The following DCLK3 variants were observed in gnomAD, a reference collection of about 807,000 sequenced individuals.
DCLK3 encodes the protein serine/threonine-protein kinase DCLK3.
In DCLK3, 30 loss-of-function variants were observed where a neutral mutation model predicts 46.4. That is an observed-to-expected ratio of 0.65 (90% CI 0.48 to 0.88). The LOEUF is 0.88. DCLK3 is among the 40% of genes least tolerant of loss of function. DCLK3 has a pLI of 0.00. For missense variants in DCLK3, 846 were observed against 907.1 expected (o/e 0.93, Z 0.87); for synonymous variants, 401 against 339.2 (o/e 1.18, Z -2.00).
intron 2 of DCLK3, among the ~76,000 whole-genome samples, chr3:36,729,157 A>C (rs1043981458): frequency 5.3e-5 from 8 of 151,748 alleles, no homozygotes; most frequent in Non-Finnish European, 8.8e-5. Flanking sequence ...CTGGGTGGTC[A>C]TCAAGACAGC....
At chr3:36,726,585 G>A (rs547227687) in intron 2 of DCLK3, among the ~76,000 whole-genome samples, 1 of 152,000 alleles carries the variant, frequency 6.6e-6, no homozygotes, top group Non-Finnish European at 1.5e-5. Context: ...AGGGTGGAGC[G>A]GCCTTTCCCC....
chr3:36,717,667 A>G (rs1044734958), intron 4 of DCLK3, among the ~76,000 whole-genome samples: 4 of 152,320 alleles, frequency 2.6e-5, no homozygotes, highest in Middle Eastern at 3.4e-3. Flanking sequence ...AAGCATTTTC[A>G]GTCTGTTCCA....
intron 1 of DCLK3, among the ~76,000 whole-genome samples, chr3:36,761,138 T>A (rs980325409): frequency 1.3e-5 from 2 of 152,326 alleles, no homozygotes; most frequent in Middle Eastern, 3.4e-3. Flanking sequence ...CTGGTGATTA[T>A]CTCTATTCTA....
chr3:36,751,061 T>TAAAAAAA (rs1559394234), intron 1 of DCLK3, among the ~76,000 whole-genome samples: 1 of 28,224 alleles, frequency 3.5e-5, no homozygotes, highest in Non-Finnish European at 7.6e-5. Flanking sequence ...GACGGGATGA[T>TAAAAAAA]CTAAAAAAAA....
At chr3:36,735,154 C>T (rs1352808631) in intron 2 of DCLK3, among the ~76,000 whole-genome samples, 1 of 152,218 alleles carries the variant, frequency 6.6e-6, no homozygotes, top group African/African-American at 2.4e-5. Flanking sequence ...AGGGATCTCT[C>T]CTGCTTAGAC....
At chr3:36,719,302 A>T (rs1701027650) in intron 3 of DCLK3, among the ~76,000 whole-genome samples, 1 of 152,242 alleles carries the variant, frequency 6.6e-6, no homozygotes, top group South Asian at 2.1e-4. Flanking sequence ...TTACAGTTAG[A>T]AAAAGAAAAC....
At chr3:36,734,230 A>C (rs1163990626) in intron 2 of DCLK3, among the ~76,000 whole-genome samples, 2 of 152,252 alleles carry the variant, frequency 1.3e-5, no homozygotes, top group African/African-American at 4.8e-5. Flanking sequence ...CAATGAGTCA[A>C]CTGTCAATCC....
At chr3:36,724,242 C>T (rs145740224) in intron 2 of DCLK3, among the ~76,000 whole-genome samples, 3 of 152,312 alleles carry the variant, frequency 2.0e-5, no homozygotes, top group African/African-American at 4.8e-5. Flanking sequence ...ACCTGTACCC[C>T]GACTGTATCT....
At chr3:36,718,629 A>G (rs552330717) in intron 3 of DCLK3, among the ~76,000 whole-genome samples, 2 of 152,330 alleles carry the variant, frequency 1.3e-5, no homozygotes, top group African/African-American at 4.8e-5. Flanking sequence ...GTGAGTCCAC[A>G]CTGTACTGGA....
intron 2 of DCLK3, among the ~76,000 whole-genome samples, chr3:36,733,182 C>T (rs1475379505): frequency 6.6e-6 from 1 of 152,212 alleles, no homozygotes; most frequent in African/African-American, 2.4e-5. Context: ...ACCACCATCT[C>T]TCCTGGATTT....
At chr3:36,736,868 G>A (rs942521712) in intron 2 of DCLK3, among the ~76,000 whole-genome samples, 2 of 152,158 alleles carry the variant, frequency 1.3e-5, no homozygotes, top group Non-Finnish European at 2.9e-5. Context: ...AAAGCCTCGA[G>A]GGGAAGCTGC....
At chr3:36,715,625 G>T in intron 4 of DCLK3, 104 bp from the exon 5 acceptor site, 1 of 1,308,226 alleles carries the variant, frequency 7.6e-7, no homozygotes, top group Non-Finnish European at 1.0e-6. Flanking sequence ...CAGCACCACG[G>T]CTGGCTGAAA....
chr3:36,729,231 C>T (rs1179373448), intron 2 of DCLK3, among the ~76,000 whole-genome samples: 1 of 119,938 alleles, frequency 8.3e-6, no homozygotes, highest in African/African-American at 3.3e-5. Context: ...AGGGTTTTCC[C>T]GGGTTGTGTG....
intron 1 of DCLK3, 116 bp from the exon 2 acceptor site, chr3:36,739,200 T>G: frequency 2.5e-6 from 1 of 396,422 alleles, no homozygotes. Flanking sequence ...ATAAGTGTGG[T>G]TCCTGAGAGT....
intron 1 of DCLK3, 64 bp from the exon 2 acceptor site, chr3:36,739,148 C>T (rs1575143021): frequency 2.5e-6 from 1 of 397,820 alleles, no homozygotes; most frequent in East Asian, 3.6e-5. Flanking sequence ...TCAGCCTTCA[C>T]CAAAACTTTA....
In DCLK3 at chr3:36,738,666, G is replaced by A. The variant is rs752820077; in HGVS notation, c.501C>T (p.Phe167=). 1 of 1,329,326 alleles carries A rather than the reference G, an allele frequency of 7.5e-7. No homozygotes were observed. Among genetic ancestry groups the A allele is most frequent in the Non-Finnish European group, 9.7e-7 (1 of 1,032,258 alleles). 82.3% of individuals were successfully genotyped at this position (1,329,326 alleles called of 1,614,324 possible). A position where few individuals can be genotyped will look rare whatever the true frequency, so the allele number is the denominator to read the frequency against. Residue 167 remains phenylalanine (F), a synonymous_variant, in exon 2 of 5, where the codon TTC becomes TTT. Transcript: ENST00000636136. The stretch of plus-strand genomic sequence containing the variant: ...TCAGTGGTTCTTTGCCCATAGCTAT[G>A]AAAGCATCCCCTTCCCTGAAGAAAT... The part of the protein sequence containing the change: ...VSDFFREGDA[F]IAMGKEPLTL...
intron 1 of DCLK3, among the ~76,000 whole-genome samples, chr3:36,757,310 A>C (rs1701494680): frequency 6.6e-6 from 1 of 152,118 alleles, no homozygotes; most frequent in African/African-American, 2.4e-5. Flanking sequence ...CTCATTCCTC[A>C]AAGAATTTTC....
In DCLK3 at chr3:36,714,143, C is replaced by T. The variant is rs1700945297; in HGVS notation, c.*1185G>A. 6.6e-6 allele frequency: 1 copy of T among 152,232 alleles called. No homozygotes were observed. The highest frequency in any genetic ancestry group is 1.5e-5 in the Non-Finnish European group (1 of 68,060). 9.4% of individuals were successfully genotyped at this position (152,232 alleles called of 1,614,324 possible). A position where few individuals can be genotyped will look rare whatever the true frequency, so the allele number is the denominator to read the frequency against. On this transcript the variant is annotated 3_prime_UTR_variant, in exon 5 of 5. Coordinates refer to ENST00000636136, the MANE Select transcript of DCLK3 (RefSeq NM_001394672.2). Reference sequence around the variant, plus strand: ...TTACTATCTCTAAATTATACCAGAGCCTCCTTTGTGCTTCTTCCATTTTCC... The same window carrying T: ...TTACTATCTCTAAATTATACCAGAGTCTCCTTTGTGCTTCTTCCATTTTCC...
Position 36,729,235 on chromosome 3 carries a change from TTGTG to T in DCLK3, c.1960-7580_1960-7577del, listed in dbSNP as rs202146351. 2.0e-3 allele frequency among the ~76,000 whole-genome samples: 169 copies of T among 84,658 alleles called. 11 individuals carry two copies. Among genetic ancestry groups the T allele is most frequent in the South Asian group, 4.8e-3 (10 of 2,088 alleles). The allele number at this position is 84,658 out of a possible 152,430, so 55.5% of individuals were successfully genotyped here. A position where few individuals can be genotyped will look rare whatever the true frequency, so the allele number is the denominator to read the frequency against. On this transcript the variant is annotated intron_variant, in intron 2 of 4. Transcript: ENST00000636136. ...GAAAACCTTTCAGGGTTTTCCCGGG[TTGTG>T]TGTGTGTGTGGGGGGGGGGGGTACA...
Sources: gnomAD v4.1 joint callset for allele counts (sites outside exome capture counted in the v4.1 genomes callset) on GRCh38, gnomAD v4.1.1 for gene constraint, MANE v1.5 for transcripts, NCBI Gene and HGNC (gene_info 2026-07-23, HGNC 2026-07-21) for gene names.